The following MEMO1 variants were observed in gnomAD, a reference collection of about 807,000 sequenced individuals.
The protein encoded by MEMO1 is protein MEMO1.
MEMO1 carries 6 observed loss-of-function variants against 45.2 expected under a neutral mutation model. The ratio of observed to expected loss-of-function variants is 0.13; its 90% confidence interval spans 0.07 to 0.26. MEMO1 has a LOEUF of 0.26. Among genes scored for constraint, MEMO1 ranks in the 10% least tolerant of loss-of-function variants. MEMO1 has a pLI of 1.00. For synonymous variants in MEMO1, 78 were observed against 124.3 expected (o/e 0.63, Z 2.48); for missense variants, 184 against 370.5 (o/e 0.50, Z 4.13).
intron 7 of MEMO1, 65 bp downstream of exon 7, chr2:31,891,927 T>G (rs1424700890): frequency 6.8e-7 from 1 of 1,461,356 alleles, no homozygotes. Context: ...GAGCTTAGAA[T>G]GAAAAGATAC....
At chr2:31,931,789 G>A (rs1664208007) in intron 4 of MEMO1, among the ~76,000 whole-genome samples, 1 of 151,924 alleles carries the variant, frequency 6.6e-6, no homozygotes, top group Non-Finnish European at 1.5e-5. Context: ...GCTCATCTCT[G>A]GGTTTTCAAA....
At chr2:31,907,240 TCCTGTAA>T (rs2148084569) in intron 6 of MEMO1, among the ~76,000 whole-genome samples, 1 of 152,300 alleles carries the variant, frequency 6.6e-6, no homozygotes, top group East Asian at 1.9e-4. Flanking sequence ...TACTCTCTGC[TCCTGTAA>T]CTCTTTAATT....
intron 8 of MEMO1, among the ~76,000 whole-genome samples, chr2:31,881,821 G>C (rs1675425806): frequency 6.6e-6 from 1 of 151,948 alleles, no homozygotes; most frequent in South Asian, 2.1e-4. Context: ...GGGCAATAAA[G>C]CAAGACCTTG....
At chr2:31,993,779 T>G (rs1322126448) in intron 2 of MEMO1, among the ~76,000 whole-genome samples, 1 of 151,978 alleles carries the variant, frequency 6.6e-6, no homozygotes, top group Admixed American at 6.6e-5. Flanking sequence ...ATATGGCAGA[T>G]TTAGAACAGG....
intron 2 of MEMO1, among the ~76,000 whole-genome samples, chr2:31,981,793 C>G (rs1670668321): frequency 6.6e-6 from 1 of 152,146 alleles, no homozygotes; most frequent in Admixed American, 6.5e-5. Flanking sequence ...TACAAACAGG[C>G]ATAATGACAC....
chr2:31,931,183 A>C (rs1664123993), intron 4 of MEMO1, among the ~76,000 whole-genome samples: 1 of 152,210 alleles, frequency 6.6e-6, no homozygotes, highest in East Asian at 1.9e-4. Flanking sequence ...ATGTACAGAG[A>C]ACGCTACATA....
intron 5 of MEMO1, among the ~76,000 whole-genome samples, chr2:31,920,522 C>T (rs1682165495): frequency 6.6e-6 from 1 of 152,092 alleles, no homozygotes; most frequent in Admixed American, 6.6e-5. Flanking sequence ...TCCTGGTACA[C>T]TGAGTACATG....
intron 8 of MEMO1, among the ~76,000 whole-genome samples, chr2:31,876,420 C>T (rs1674571421): frequency 6.6e-6 from 1 of 152,184 alleles, no homozygotes; most frequent in Admixed American, 6.5e-5. Context: ...TAGGTATTTT[C>T]TGCACACATT....
In MEMO1 at chr2:31,954,765, C is replaced by T. The variant is rs1038926298; in HGVS notation, c.62-11382G>A. ...AGGAGAATTGCTTGAACCCAGGAGG[C>T]GGAGGTTGCAGTAAGCCAAGATCGT... On this transcript the variant is annotated intron_variant, in intron 2 of 9. Transcript: ENST00000404530. Among the ~76,000 whole-genome samples the T allele has an allele frequency of 3.3e-5, 5 of 150,814 alleles. No individual in the cohort carries two copies. The Admixed American group carries it at 3.3e-4, about 10-fold the overall frequency.
chr2:31,969,395 G>T (rs1270548111), intron 2 of MEMO1, among the ~76,000 whole-genome samples: 1 of 145,382 alleles, frequency 6.9e-6, no homozygotes, highest in Non-Finnish European at 1.5e-5. Context: ...ATATATATAC[G>T]TGTATATACA....
intron 6 of MEMO1, among the ~76,000 whole-genome samples, chr2:31,907,826 C>T (rs1426530151): frequency 1.3e-5 from 2 of 150,336 alleles, no homozygotes; most frequent in Non-Finnish European, 3.0e-5. Context: ...CACACATACA[C>T]ACAACTAGTA....
intron 2 of MEMO1, among the ~76,000 whole-genome samples, chr2:32,001,880 G>A (rs1018503056): frequency 5.3e-4 from 80 of 152,052 alleles, no homozygotes; most frequent in African/African-American, 1.8e-3. Flanking sequence ...AGGCGTGGTG[G>A]CTCACACCTG....
intron 2 of MEMO1, among the ~76,000 whole-genome samples, chr2:31,985,196 A>G (rs1671119016): frequency 6.6e-6 from 1 of 152,212 alleles, no homozygotes; most frequent in Non-Finnish European, 1.5e-5. Context: ...TTTTAAGAAA[A>G]TAAGAGATAT....
At chr2:31,985,117 C>T (rs995215174) in intron 2 of MEMO1, among the ~76,000 whole-genome samples, 1 of 152,240 alleles carries the variant, frequency 6.6e-6, no homozygotes, top group Non-Finnish European at 1.5e-5. Flanking sequence ...GCAAATATCA[C>T]CAAATTCCTC....
intron 7 of MEMO1, among the ~76,000 whole-genome samples, chr2:31,886,435 ACTTTAGTCAAT>A (rs1676205543): frequency 6.6e-6 from 1 of 152,120 alleles, no homozygotes; most frequent in African/African-American, 2.4e-5. Flanking sequence ...CACACACACA[ACTTTAGTCAAT>A]CATCATTTAG....
chr2:31,999,624 T>C (rs545745477), intron 2 of MEMO1, among the ~76,000 whole-genome samples: 1 of 152,242 alleles, frequency 6.6e-6, no homozygotes, highest in African/African-American at 2.4e-5. Context: ...GAGCTATGAT[T>C]GCACCACTGC....
chr2:31,927,054 G>T (rs1319954303), intron 4 of MEMO1, among the ~76,000 whole-genome samples: 1 of 152,000 alleles, frequency 6.6e-6, no homozygotes. Context: ...TATTCGGCTG[G>T]GTGCGGTGGC....
At chr2:31,902,192 G>A (rs571375920) in intron 6 of MEMO1, among the ~76,000 whole-genome samples, 55 of 151,964 alleles carry the variant, frequency 3.6e-4, no homozygotes, top group African/African-American at 8.0e-4. Flanking sequence ...AGAGGAGGGC[G>A]GATCACTTAA....
At chr2:31,991,397 C>T (rs1671928507) in intron 2 of MEMO1, among the ~76,000 whole-genome samples, 1 of 152,070 alleles carries the variant, frequency 6.6e-6, no homozygotes, top group South Asian at 2.1e-4. Context: ...CACGGAGAAA[C>T]CCCGTCTCTA....
Sources: gnomAD v4.1 joint callset for allele counts (sites outside exome capture counted in the v4.1 genomes callset) on GRCh38, gnomAD v4.1.1 for gene constraint, MANE v1.5 for transcripts, NCBI Gene and HGNC (gene_info 2026-07-23, HGNC 2026-07-21) for gene names.